Variants in MAD2L2 observed in about 807,000 individuals in gnomAD.
MAD2L2 encodes the protein mitotic arrest deficient 2 like 2, also known as mitotic spindle assembly checkpoint protein MAD2B.
A neutral mutation model predicts 30.5 loss-of-function variants in MAD2L2; 17 were observed. The ratio of observed to expected loss-of-function variants is 0.56; its 90% CI spans 0.38 to 0.84. MAD2L2 has a LOEUF of 0.84. MAD2L2 is among the 40% of genes least tolerant of loss of function. MAD2L2 has a pLI of 0.00. For missense variants in MAD2L2, 213 were observed against 277.4 expected (o/e 0.77, Z 1.65); for synonymous variants, 101 against 113.9 (o/e 0.89, Z 0.72).
In MAD2L2 at chr1:11,676,890, T is replaced by C; in HGVS notation, c.290A>G (p.Lys97Arg). 1 of 1,614,070 alleles carries C rather than the reference T, an allele frequency of 6.2e-7. No individual in the cohort carries two copies. The highest frequency in any genetic ancestry group is 1.7e-5 in the Admixed American group (1 of 59,998). ...ILDKEHRPVE[K>R]FVFEITQPPL... ...AGGCTGGGTGATCTCAAAGACGAATTTCTCCACTGGGCGGTGCTCTTTATC... is the reference window on the plus strand; with the variant it reads ...AGGCTGGGTGATCTCAAAGACGAATCTCTCCACTGGGCGGTGCTCTTTATC... The change falls in exon 5 of 9, where the codon AAA (lysine) becomes AGA (arginine). Residue 97 changes from lysine (K) to arginine (R), a missense_variant. Coordinates refer to ENST00000376692, the MANE Select transcript of MAD2L2 (RefSeq NM_006341.4).
rs932846432 is a variant in MAD2L2 at position 11,674,922 on chromosome 1, C to T, written c.595-106G>A. 36 of 1,413,210 alleles carry T rather than the reference C, an allele frequency of 2.5e-5. No homozygotes were observed. The highest frequency in any genetic ancestry group is 3.3e-5 in the Non-Finnish European group (33 of 1,003,758). The allele number at this position is 1,413,210 out of a possible 1,614,324, so 87.5% of individuals were successfully genotyped here. On this transcript the variant is annotated intron_variant, in intron 8 of 8. Transcript: ENST00000376692. The surrounding 1 kb of genome is among the most constrained non-coding windows in gnomAD (Gnocchi z 6.1). Reference sequence around the variant, plus strand: ...CAGACCTCCACCACAGGTGGGGCCTCGTGGCCATAGCCATGGTGGAGAAGA... The same window carrying T: ...CAGACCTCCACCACAGGTGGGGCCTTGTGGCCATAGCCATGGTGGAGAAGA...
At chr1:11,679,761 T>G (rs1377325786) in intron 3 of MAD2L2, among the ~76,000 whole-genome samples, 1 of 151,934 alleles carries the variant, frequency 6.6e-6, no homozygotes, top group Admixed American at 6.6e-5. Context: ...ACTCCTGACC[T>G]TGTGATTCGC....
rs532203952 is a variant in MAD2L2 at position 11,674,550 on chromosome 1, C to T, written c.*225G>A. The T allele has an allele frequency of 3.1e-5, 17 of 555,702 alleles. No individual in the cohort carries two copies. The highest frequency in any genetic ancestry group is 2.2e-4 in the South Asian group (11 of 49,402). 34.4% of individuals were successfully genotyped at this position (555,702 alleles called of 1,614,324 possible). On this transcript the variant is annotated 3_prime_UTR_variant, in exon 9 of 9. Coordinates refer to ENST00000376692, the MANE Select transcript of MAD2L2 (RefSeq NM_006341.4). This position sits in a 1 kb window ranked among gnomAD's most constrained non-coding sequence, Gnocchi z 6.1. Reference sequence around the variant, plus strand: ...AGTATTTGAGACAGACAGTGTTGGCCGGCGGAACCCCAGGAGGCTGAGAAG... The same window carrying T: ...AGTATTTGAGACAGACAGTGTTGGCTGGCGGAACCCCAGGAGGCTGAGAAG...
In MAD2L2 at chr1:11,690,634, A is replaced by G. The variant is rs1456257998; in HGVS notation, c.-692+779T>C. 6.6e-6 allele frequency among the ~76,000 whole-genome samples: 1 copy of G among 152,170 alleles called. No homozygotes were observed. The highest frequency in any genetic ancestry group is 1.5e-5 in the Non-Finnish European group (1 of 68,022). On this transcript the variant is annotated intron_variant, in intron 1 of 10. Transcript: ENST00000235310. This position sits in a 1 kb window ranked among gnomAD's most constrained non-coding sequence, Gnocchi z 4.2. ...TGGAGAAAGAAAACAGTCGAAATGG[A>G]AGCCACCTGGCGAGCTCAGGGCGCC...
At chr1:11,675,309 ACCCCAGGACCGC>A in intron 7 of MAD2L2, 135 bp from the exon 8 acceptor site, 1 of 623,916 alleles carries the variant, frequency 1.6e-6, no homozygotes, top group South Asian at 2.0e-5. Context: ...GGTGATGCAG[ACCCCAGGACCGC>A]CCCCATCCCC....
chr1:11,691,250 C>A (rs1386024887), intron 1 of MAD2L2, among the ~76,000 whole-genome samples: 1 of 152,136 alleles, frequency 6.6e-6, no homozygotes, highest in African/African-American at 2.4e-5. Context: ...GACGCGGCCG[C>A]AGCTGAGCGC....
rs1389187548 is a variant in MAD2L2 at position 11,674,674 on chromosome 1, G to A, written c.*101C>T. ...GGGCGGGCGATCCACACACAGAGGC[G>A]ATAAGAGCACTTGGAATCAGGGCAG... On this transcript the variant is annotated 3_prime_UTR_variant, in exon 9 of 9. Transcript: ENST00000376692. The surrounding 1 kb of genome is among the most constrained non-coding windows in gnomAD (Gnocchi z 6.1). The A allele has an allele frequency of 3.1e-5, 40 of 1,281,352 alleles. No homozygotes were observed. Among genetic ancestry groups the A allele is most frequent in the Admixed American group, 1.0e-4 (6 of 57,464 alleles). 79.4% of individuals were successfully genotyped at this position (1,281,352 alleles called of 1,614,324 possible).
chr1:11,681,547 C>T (rs972988914), upstream of MAD2L2: 4 of 152,152 alleles, frequency 2.6e-5, no homozygotes, highest in Non-Finnish European at 4.4e-5. Context: ...TCCTCTGGCT[C>T]GGGGGCGGGA....
At chr1:11,679,688 G>A (rs1640833487) in intron 3 of MAD2L2, among the ~76,000 whole-genome samples, 3 of 152,064 alleles carry the variant, frequency 2.0e-5, no homozygotes, top group Non-Finnish European at 4.4e-5. Context: ...CACCACACCA[G>A]GCTAATTTTT....
chr1:11,677,536 C>T lies in MAD2L2; in HGVS notation c.231+7G>A, dbSNP rs368998137. On this transcript the variant is annotated splice_region_variant and intron_variant, in intron 4 of 8. Coordinates refer to ENST00000376692, the MANE Select transcript of MAD2L2 (RefSeq NM_006341.4). ...TGAGATGGCTGGGGAGCCCAGTGCA[C>T]CCTCACCTTCTCCAGGAGTGGCTTG... 5.0e-6 allele frequency: 8 copies of T among 1,613,554 alleles called. No homozygotes were observed. Among genetic ancestry groups the T allele is most frequent in the Non-Finnish European group, 6.8e-6 (8 of 1,179,778 alleles).
At chr1:11,691,181 T>A (rs1412824968) in intron 1 of MAD2L2, among the ~76,000 whole-genome samples, 2 of 148,450 alleles carry the variant, frequency 1.3e-5, no homozygotes, top group African/African-American at 4.9e-5. Flanking sequence ...ATTTCTTCCG[T>A]CCCTTTTGAC....
chr1:11,683,869 G>A (rs1400436171), upstream of MAD2L2, among the ~76,000 whole-genome samples: 1 of 152,182 alleles, frequency 6.6e-6, no homozygotes. Context: ...TACTCAGGAG[G>A]CTGAGGCAGG....
chr1:11,680,733 C>A (rs936214156), intron 1 of MAD2L2, 120 bp from the exon 2 acceptor site: 12 of 1,437,676 alleles, frequency 8.3e-6, no homozygotes, highest in Non-Finnish European at 1.1e-5. Context: ...CCTCCCGCTT[C>A]GCACAGGCTC....
intron 1 of MAD2L2, among the ~76,000 whole-genome samples, chr1:11,691,189 G>T (rs1366264774): frequency 1.4e-5 from 2 of 145,752 alleles, no homozygotes; most frequent in African/African-American, 2.5e-5. Flanking sequence ...CGTCCCTTTT[G>T]ACAGTCTAGG....
In MAD2L2 at chr1:11,687,116, A is replaced by G. The variant is rs1189630957; in HGVS notation, c.-692+4297T>C. Among the ~76,000 whole-genome samples, 1 of 152,062 alleles carries G rather than the reference A, an allele frequency of 6.6e-6. No homozygotes were observed. Among genetic ancestry groups the G allele is most frequent in the Non-Finnish European group, 1.5e-5 (1 of 68,008 alleles). On this transcript the variant is annotated intron_variant, in intron 1 of 10. Coordinates refer to the MAD2L2 transcript ENST00000235310. This position sits in a 1 kb window ranked among gnomAD's most constrained non-coding sequence, Gnocchi z 4.1. ...GGTCTCACTCTGTCATCTAGGCTGG[A>G]GTGCAGTGACGCAATCACAGCTCAC...
chr1:11,682,583 A>C (rs1640895872), upstream of MAD2L2, among the ~76,000 whole-genome samples: 1 of 152,042 alleles, frequency 6.6e-6, no homozygotes, highest in Admixed American at 6.6e-5. Context: ...GGAAATCTGC[A>C]TCAGAATCCC....
chr1:11,683,581 G>T (rs1479447736), upstream of MAD2L2, among the ~76,000 whole-genome samples: 1 of 152,054 alleles, frequency 6.6e-6, no homozygotes, highest in Non-Finnish European at 1.5e-5. Flanking sequence ...TACATACTGG[G>T]TACAGTGTAC....
At chr1:11,679,995 T>TG (rs1640841691) in intron 3 of MAD2L2, among the ~76,000 whole-genome samples, 1 of 90,256 alleles carries the variant, frequency 1.1e-5, no homozygotes. Context: ...GTTTTTTTTT[T>TG]TTTTTTTTTT....
Position 11,690,955 on chromosome 1 carries a change from T to C in MAD2L2, c.-692+458A>G, listed in dbSNP as rs1045881977. Among the ~76,000 whole-genome samples the C allele has an allele frequency of 6.6e-5, 10 of 152,112 alleles. No homozygotes were observed. The highest frequency in any genetic ancestry group is 2.4e-4 in the African/African-American group (10 of 41,430). ...GTGTGTGTGTGTGTGTGTTTGTGTG[T>C]GTGTGTATTGGGGCGGTTGTCTTTC... On this transcript the variant is annotated intron_variant, in intron 1 of 10. Transcript: ENST00000235310. The surrounding 1 kb of genome is among the most constrained non-coding windows in gnomAD (Gnocchi z 4.2).
Sources: allele counts gnomAD v4.1 joint callset (sites outside exome capture counted in the v4.1 genomes callset), GRCh38; gene constraint gnomAD v4.1.1; non-coding constraint Gnocchi (gnomAD v3.1); transcripts MANE v1.5; gene names NCBI Gene and HGNC (gene_info 2026-07-23, HGNC 2026-07-21).